The following DPP10 variants were observed in gnomAD, a reference collection of about 807,000 sequenced individuals.
DPP10 encodes the protein dipeptidyl peptidase like 10, also known as inactive dipeptidyl peptidase 10.
Under a neutral mutation model 120.9 loss-of-function variants are expected in DPP10, and 33 were observed. That is an observed-to-expected ratio of 0.27 (90% confidence interval 0.21 to 0.37). DPP10 has a LOEUF of 0.37. DPP10 is among the 10% of genes least tolerant of loss of function. The pLI, the probability that DPP10 is intolerant of heterozygous loss-of-function variation, is 1.00. For synonymous variants in DPP10, 337 were observed against 326.1 expected (o/e 1.03, Z -0.36); for missense variants, 816 against 942.8 (o/e 0.87, Z 1.76).
chr2:115,759,558 C>A (rs1441964034), intron 11 of DPP10, among the ~76,000 whole-genome samples: 1 of 151,972 alleles, frequency 6.6e-6, no homozygotes, highest in African/African-American at 2.4e-5. Context: ...AATTCTCGTT[C>A]TTTGCAAGTG....
chr2:114,840,525 C>G (rs1431722896), intron 1 of DPP10, among the ~76,000 whole-genome samples: 1 of 152,058 alleles, frequency 6.6e-6, no homozygotes, highest in African/African-American at 2.4e-5. Context: ...CAAAACCCCC[C>G]AAAACTTAAG....
chr2:115,566,351 G>T (rs373401617), intron 5 of DPP10, among the ~76,000 whole-genome samples: 7 of 151,736 alleles, frequency 4.6e-5, no homozygotes, highest in African/African-American at 1.7e-4. Flanking sequence ...TCTATATGGT[G>T]GTTTTTCTCT....
At chr2:115,591,116 C>T (rs992204191) in intron 5 of DPP10, among the ~76,000 whole-genome samples, 4 of 152,178 alleles carry the variant, frequency 2.6e-5, no homozygotes, top group Non-Finnish European at 5.9e-5. Flanking sequence ...TGCCTGTTCA[C>T]TCTGATGGTA....
At chr2:115,708,094 G>A (rs750104401) in intron 7 of DPP10, among the ~76,000 whole-genome samples, 5 of 152,032 alleles carry the variant, frequency 3.3e-5, no homozygotes, top group Admixed American at 6.6e-5. Flanking sequence ...TGTGTTACAC[G>A]TGTCAAACAT....
At chr2:114,548,664 T>C (rs1687621794) in intron 1 of DPP10, among the ~76,000 whole-genome samples, 1 of 152,196 alleles carries the variant, frequency 6.6e-6, no homozygotes. Context: ...GGAGCTACTT[T>C]TTAAGTGTTG....
At chr2:115,182,006 T>C (rs911539707) in intron 1 of DPP10, among the ~76,000 whole-genome samples, 17 of 152,204 alleles carry the variant, frequency 1.1e-4, no homozygotes, top group African/African-American at 3.9e-4. Context: ...AAAACAGTCT[T>C]TCATGTGCAG....
At chr2:115,244,637 C>T (rs1011726391) in intron 1 of DPP10, among the ~76,000 whole-genome samples, 2 of 151,770 alleles carry the variant, frequency 1.3e-5, no homozygotes, top group East Asian at 1.9e-4. Context: ...CTTGCTTAGT[C>T]GTGTACCTTA....
At chr2:115,133,220 C>T (rs2050474523) in intron 1 of DPP10, among the ~76,000 whole-genome samples, 1 of 136,980 alleles carries the variant, frequency 7.3e-6, no homozygotes, top group African/African-American at 2.8e-5. Flanking sequence ...ATTCTGTCAC[C>T]CAGGCTGGAG....
intron 1 of DPP10, among the ~76,000 whole-genome samples, chr2:115,303,046 A>G (rs982533375): frequency 6.6e-6 from 1 of 152,016 alleles, no homozygotes; most frequent in African/African-American, 2.4e-5. Flanking sequence ...TCCTAATACT[A>G]GACAATAGTC....
At chr2:115,133,115 ATG>A (rs1242932823) in intron 1 of DPP10, among the ~76,000 whole-genome samples, 349 of 73,916 alleles carry the variant, frequency 4.7e-3, no homozygotes, top group African/African-American at 7.3e-3. Flanking sequence ...ATGTATATGT[ATG>A]TGTGTGTGTG....
chr2:115,712,354 G>A (rs577084566), intron 7 of DPP10, among the ~76,000 whole-genome samples: 9 of 150,798 alleles, frequency 6.0e-5, no homozygotes, highest in South Asian at 4.2e-4. Flanking sequence ...GAATGTGAGC[G>A]ATGGGAGTGG....
At chr2:115,027,025 T>C (rs1703512690) in intron 1 of DPP10, among the ~76,000 whole-genome samples, 1 of 152,214 alleles carries the variant, frequency 6.6e-6, no homozygotes, top group Non-Finnish European at 1.5e-5. Context: ...TTTCCTTGTA[T>C]TGATCTTTTA....
intron 5 of DPP10, among the ~76,000 whole-genome samples, chr2:115,681,135 T>TA (rs1444356622): frequency 6.6e-6 from 1 of 151,880 alleles, no homozygotes; most frequent in Admixed American, 6.6e-5. Flanking sequence ...TTAGCCGTAG[T>TA]AAAAAATGAC....
chr2:114,657,837 T>A (rs892165045), intron 1 of DPP10, among the ~76,000 whole-genome samples: 2 of 152,188 alleles, frequency 1.3e-5, no homozygotes, highest in Admixed American at 6.5e-5. Flanking sequence ...CTGTAAATAC[T>A]CTTTAAACTT....
chr2:114,627,140 C>T (rs1408602261), intron 1 of DPP10, among the ~76,000 whole-genome samples: 1 of 152,012 alleles, frequency 6.6e-6, no homozygotes, highest in Non-Finnish European at 1.5e-5. Context: ...TCTGGGTGCA[C>T]AATACTTTAC....
At position 114,744,956 on chromosome 2, in the gene DPP10, T is replaced by C. The variant is rs1574088229; in HGVS notation, c.60+302118T>C. Among the ~76,000 whole-genome samples, 5 of 152,224 alleles carry C rather than the reference T, an allele frequency of 3.3e-5. No individual in the cohort carries two copies. The South Asian group carries it at 1.0e-3, about 32-fold the overall frequency. On this transcript the variant is annotated intron_variant, in intron 1 of 25. Coordinates refer to ENST00000410059, the MANE Select transcript of DPP10 (RefSeq NM_020868.6). ...TTTGTATTTTTAGTAGAGACGGGGT[T>C]TCACCATATTGGCCAGGCTGGTCTC...
intron 1 of DPP10, among the ~76,000 whole-genome samples, chr2:114,910,194 C>A (rs1384171597): frequency 6.6e-6 from 1 of 151,824 alleles, no homozygotes; most frequent in Non-Finnish European, 1.5e-5. Context: ...TATTTTATGA[C>A]TGTGCTGGTA....
intron 3 of DPP10, among the ~76,000 whole-genome samples, chr2:115,386,919 G>A (rs1018429918): frequency 4.2e-4 from 64 of 151,006 alleles, no homozygotes; most frequent in African/African-American, 1.6e-3. Flanking sequence ...AAAAAAAACT[G>A]TAAGAATATT....
chr2:115,704,934 CT>C (rs1268490621), intron 7 of DPP10, among the ~76,000 whole-genome samples: 4 of 151,852 alleles, frequency 2.6e-5, no homozygotes, highest in African/African-American at 9.7e-5. Flanking sequence ...AAAATGTCCT[CT>C]TTGAGACTCC....
Sources: allele counts gnomAD v4.1 joint callset (sites outside exome capture counted in the v4.1 genomes callset), GRCh38; gene constraint gnomAD v4.1.1; transcripts MANE v1.5; gene names NCBI Gene and HGNC (gene_info 2026-07-23, HGNC 2026-07-21).